CCDC14: variants seen among roughly 807,000 people sequenced by gnomAD.
CCDC14 encodes the protein coiled-coil domain-containing protein 14.
In CCDC14, 71 loss-of-function variants were observed where a neutral mutation model predicts 81.4. The observed-to-expected ratio is 0.87, with a 90% CI of 0.72 to 1.06. CCDC14 has a LOEUF of 1.06. CCDC14 is among the 50% of genes least tolerant of loss of function. The pLI, the probability that CCDC14 is intolerant of heterozygous loss-of-function variation, is 0.00. For synonymous variants in CCDC14, 332 were observed against 364.8 expected (o/e 0.91, Z 1.03); for missense variants, 1,046 against 1,047.3 (o/e 1.00, Z 0.02).
intron 12 of CCDC14, among the ~76,000 whole-genome samples, chr3:123,923,738 TAC>T (rs887708545): frequency 1.2e-3 from 177 of 150,996 alleles, no homozygotes; most frequent in African/African-American, 4.0e-3. Flanking sequence ...ACTAAATATA[TAC>T]ATATATTATT....
intron 5 of CCDC14, among the ~76,000 whole-genome samples, chr3:123,899,439 T>C (rs1253272728): frequency 6.6e-6 from 1 of 152,222 alleles, no homozygotes; most frequent in Admixed American, 6.5e-5. Context: ...CTGGAATTCA[T>C]GTCCAGTATT....
chr3:123,956,658 TGG>T lies in CCDC14; in HGVS notation c.86+80_86+81del, dbSNP rs1164333158. 5.4e-6 allele frequency: 6 copies of T among 1,118,218 alleles called. No individual in the cohort carries two copies. The Admixed American group carries it at 1.2e-4, about 22-fold the overall frequency. The allele number at this position is 1,118,218 out of a possible 1,614,324, so 69.3% of individuals were successfully genotyped here. ...GATGGTAGAGGCCTACCTAATTTTCTGGGGTAGACGACATGTCATCCAGCCCA... is the reference window on the plus strand; with the variant it reads ...GATGGTAGAGGCCTACCTAATTTTCTGGTAGACGACATGTCATCCAGCCCA... On this transcript the variant is annotated intron_variant, in intron 2 of 12. Coordinates refer to ENST00000409697, the MANE Select transcript of CCDC14 (RefSeq NM_001366335.1).
chr3:123,909,342 G>A (rs922043658), downstream of CCDC14, among the ~76,000 whole-genome samples: 2 of 152,162 alleles, frequency 1.3e-5, no homozygotes, highest in Non-Finnish European at 2.9e-5. Flanking sequence ...GTCTTCTTGA[G>A]ATTTCTGTGG....
downstream of CCDC14, among the ~76,000 whole-genome samples, chr3:123,894,948 G>T (rs1444831115): frequency 3.3e-5 from 5 of 152,164 alleles, no homozygotes; most frequent in African/African-American, 1.2e-4. Context: ...AGTGACTAGA[G>T]ACAAAGAGGA....
At chr3:123,946,580 A>G (rs1414838353) in intron 8 of CCDC14, among the ~76,000 whole-genome samples, 1 of 152,148 alleles carries the variant, frequency 6.6e-6, no homozygotes, top group Non-Finnish European at 1.5e-5. Flanking sequence ...CACACTTGCA[A>G]GCAAAAGACT....
At position 123,945,052 on chromosome 3, in the gene CCDC14, T is replaced by C. The variant is rs1207085033; in HGVS notation, c.1202-62A>G. ...ATATTTTTGGACAAGATTATTAGTA[T>C]GTATTACTAAAAAAGAAAATCTTTA... On this transcript the variant is annotated intron_variant, in intron 8 of 12. Transcript: ENST00000409697. The C allele has an allele frequency of 1.9e-5, 21 of 1,105,214 alleles. No homozygotes were observed. The South Asian group carries it at 3.8e-4, about 20-fold the overall frequency. The allele number at this position is 1,105,214 out of a possible 1,614,324, so 68.5% of individuals were successfully genotyped here. A position where few individuals can be genotyped will look rare whatever the true frequency, so the allele number is the denominator to read the frequency against.
At chr3:123,952,623 T>G (rs780770814) in intron 5 of CCDC14, 2 of 530,444 alleles carry the variant, frequency 3.8e-6, no homozygotes, top group Non-Finnish European at 7.8e-6. Flanking sequence ...AGTGATCAGG[T>G]AGGCATTCAA....
At chr3:123,936,476 C>T (rs1417854177) in intron 9 of CCDC14, among the ~76,000 whole-genome samples, 1 of 151,742 alleles carries the variant, frequency 6.6e-6, no homozygotes, top group Non-Finnish European at 1.5e-5. Flanking sequence ...AGTAAAACCA[C>T]CATCACAATT....
Position 123,945,790 on chromosome 3 carries a change from C to T in CCDC14, c.1202-800G>A, listed in dbSNP as rs2036594987. Among the ~76,000 whole-genome samples the T allele has an allele frequency of 3.3e-5, 5 of 152,260 alleles. No homozygotes were observed. The South Asian group carries it at 1.0e-3, about 32-fold the overall frequency. On this transcript the variant is annotated intron_variant, in intron 8 of 12. Coordinates refer to ENST00000409697, the MANE Select transcript of CCDC14 (RefSeq NM_001366335.1). ...CATCCTCATGAAAAGTATATGTACA[C>T]AGTAAACAACTGTGTTCAATGATCA...
intron 5 of CCDC14, 119 bp downstream of exon 5, chr3:123,955,724 C>T: frequency 1.1e-6 from 1 of 880,416 alleles, no homozygotes; most frequent in Non-Finnish European, 1.6e-6. Context: ...GGCATAAGCA[C>T]ACATAAACCT....
chr3:123,956,309 T>A, intron 3 of CCDC14, 46 bp downstream of exon 3: 1 of 1,410,916 alleles, frequency 7.1e-7, no homozygotes, highest in South Asian at 1.4e-5. Flanking sequence ...TAGCTACTAT[T>A]TGAAAACTAA....
chr3:123,926,170 A>ATTTT (rs2148830716), intron 12 of CCDC14, among the ~76,000 whole-genome samples: 1 of 152,328 alleles, frequency 6.6e-6, no homozygotes, highest in African/African-American at 2.4e-5. Context: ...GGACAATGAC[A>ATTTT]TTTAAAAAAG....
chr3:123,934,491 C>T (rs1256326168), intron 9 of CCDC14, among the ~76,000 whole-genome samples: 2 of 152,074 alleles, frequency 1.3e-5, no homozygotes, highest in African/African-American at 2.4e-5. Context: ...GCACTGACTG[C>T]TATCAGACAT....
chr3:123,947,287 T>A lies in CCDC14; in HGVS notation c.717A>T (p.Ala239=). ...EVQTDGNSQF[A]SQGKTVSATC... is the part of the protein sequence containing the mutation. Reference sequence around the variant, plus strand: ...TTGCAGAAACTGTTTTACCTTGTGATGCAAACTGACTGTTGCCATCAGTTT... The same window carrying A: ...TTGCAGAAACTGTTTTACCTTGTGAAGCAAACTGACTGTTGCCATCAGTTT... The change falls in exon 8 of 13, where the codon GCA becomes GCT. Residue 239 remains alanine (A), a synonymous_variant. Transcript: ENST00000409697. 6.2e-7 allele frequency: 1 copy of A among 1,612,170 alleles called. No homozygotes were observed. Among genetic ancestry groups the A allele is most frequent in the Non-Finnish European group, 8.5e-7 (1 of 1,178,444 alleles).
intron 5 of CCDC14, among the ~76,000 whole-genome samples, chr3:123,898,191 C>T (rs1297001624): frequency 1.3e-5 from 2 of 152,124 alleles, no homozygotes; most frequent in Admixed American, 6.5e-5. Context: ...CTTCTGGACC[C>T]GAATTTCCTA....
intron 5 of CCDC14, among the ~76,000 whole-genome samples, chr3:123,951,555 T>A (rs577545096): frequency 1.8e-4 from 28 of 152,368 alleles, no homozygotes; most frequent in Admixed American, 5.9e-4. Flanking sequence ...GGTGAGATCA[T>A]AGCCCATGGC....
downstream of CCDC14, among the ~76,000 whole-genome samples, chr3:123,910,684 C>A (rs1215865764): frequency 1.3e-5 from 2 of 151,926 alleles, no homozygotes; most frequent in East Asian, 3.9e-4. Context: ...AAGTCAGTAA[C>A]TGAATGAAGA....
the CCDC14 span, among the ~76,000 whole-genome samples, chr3:123,891,790 T>A: frequency 3.3e-5 from 5 of 152,240 alleles, no homozygotes; most frequent in Non-Finnish European, 7.3e-5. Flanking sequence ...CTTCCACATT[T>A]TCAGGTATCT....
chr3:123,960,862 A>G (rs1480973813), intron 1 of CCDC14, among the ~76,000 whole-genome samples: 1 of 152,168 alleles, frequency 6.6e-6, no homozygotes, highest in Non-Finnish European at 1.5e-5. Flanking sequence ...GGAGAGGTTA[A>G]GTCACTCGAC....
Sources: allele counts gnomAD v4.1 joint callset (sites outside exome capture counted in the v4.1 genomes callset), GRCh38; gene constraint gnomAD v4.1.1; transcripts MANE v1.5; gene names NCBI Gene and HGNC (gene_info 2026-07-23, HGNC 2026-07-21).